Variants in HPGD observed in about 807,000 individuals in gnomAD.
HPGD encodes 15-hydroxyprostaglandin dehydrogenase, also known as 15-hydroxyprostaglandin dehydrogenase [NAD(+)].
Under a neutral mutation model 30.0 loss-of-function variants are expected in HPGD, and 29 were observed. That is an observed-to-expected ratio of 0.97 (90% confidence interval 0.72 to 1.32). The LOEUF (loss-of-function observed/expected upper bound fraction) is 1.32. Among genes scored for constraint, HPGD ranks in the 40% most tolerant of loss-of-function variants. The pLI, the probability that HPGD is intolerant of heterozygous loss-of-function variation, is 0.00. For missense variants in HPGD, 340 were observed against 322.1 expected (o/e 1.06, Z -0.43); for synonymous variants, 99 against 112.4 (o/e 0.88, Z 0.75).
intron 3 of HPGD, among the ~76,000 whole-genome samples, chr4:174,515,401 G>A (rs112387003): frequency 0.015 from 2,235 of 152,168 alleles, 27 homozygotes; most frequent in Middle Eastern, 0.034. Flanking sequence ...TGACAAAAAC[G>A]AGCATGGGGA....
At chr4:174,520,250 G>C (rs1044598722) in intron 2 of HPGD, among the ~76,000 whole-genome samples, 6 of 152,032 alleles carry the variant, frequency 3.9e-5, no homozygotes, top group African/African-American at 1.2e-4. Flanking sequence ...TGAATTCCAG[G>C]CTCAAGCAAC....
chr4:174,521,910 G>C lies in HPGD; in HGVS notation c.217+34C>G, dbSNP rs202188474. 11 of 1,613,406 alleles carry C rather than the reference G, an allele frequency of 6.8e-6. No homozygotes were observed. The African/African-American group carries it at 1.2e-4, about 18-fold the overall frequency. ...TCAGGTTGTTGCTTGTTGAGAGCAC[G>C]TTCCCAGTTGACAGATTGATTCCCC... On this transcript the variant is annotated intron_variant, in intron 2 of 6. Transcript: ENST00000296522.
chr4:174,491,489 G>C lies in HPGD; in HGVS notation c.*467C>G, dbSNP rs1262478663. The stretch of plus-strand genomic sequence containing the variant: ...AACTGAAATGTTCAGTTGAAAGATG[G>C]TATATAAGTAAAAATTATTATTGTG... On this transcript the variant is annotated 3_prime_UTR_variant, in exon 7 of 7. Transcript: ENST00000296522. 5.8e-6 allele frequency: 1 copy of C among 171,208 alleles called. No individual in the cohort carries two copies. Among genetic ancestry groups the C allele is most frequent in the Non-Finnish European group, 1.3e-5 (1 of 79,420 alleles). The allele number at this position is 171,208 out of a possible 1,614,324, so 10.6% of individuals were successfully genotyped here. A position where few individuals can be genotyped will look rare whatever the true frequency, so the allele number is the denominator to read the frequency against.
chr4:174,499,789 A>G (rs1417901047), intron 4 of HPGD, among the ~76,000 whole-genome samples: 2 of 152,054 alleles, frequency 1.3e-5, no homozygotes, highest in African/African-American at 2.4e-5. Context: ...CTTCTTCTTC[A>G]TGTCTTTGGC....
intron 3 of HPGD, among the ~76,000 whole-genome samples, chr4:174,513,080 G>A (rs899958053): frequency 6.6e-6 from 1 of 152,146 alleles, no homozygotes; most frequent in African/African-American, 2.4e-5. Context: ...GTTTCTGACA[G>A]CTGATTTTTC....
rs569068425 is a variant in HPGD at position 174,511,647 on chromosome 4, T to A, written c.325-2855A>T. On this transcript the variant is annotated intron_variant, in intron 3 of 6. Coordinates refer to ENST00000296522, the MANE Select transcript of HPGD (RefSeq NM_000860.6). ...TTCTTTCCTGAACATTTCTTTTTTTTAATTTTATTTTGTTTTTGAGACAGA... is the reference window on the plus strand; with the variant it reads ...TTCTTTCCTGAACATTTCTTTTTTTAAATTTTATTTTGTTTTTGAGACAGA... 2.5e-4 allele frequency among the ~76,000 whole-genome samples: 38 copies of A among 152,326 alleles called. No homozygotes were observed. The East Asian group carries it at 4.1e-3, about 16-fold the overall frequency.
chr4:174,497,189 CT>C (rs1323887575), intron 4 of HPGD, among the ~76,000 whole-genome samples: 2 of 152,126 alleles, frequency 1.3e-5, no homozygotes, highest in Admixed American at 1.3e-4. Flanking sequence ...CAGCATGAAC[CT>C]TAATCAGAGA....
At chr4:174,517,527 A>G (rs1046598414) in intron 3 of HPGD, among the ~76,000 whole-genome samples, 4 of 152,242 alleles carry the variant, frequency 2.6e-5, no homozygotes, top group Non-Finnish European at 5.9e-5. Flanking sequence ...AAAATAGCCA[A>G]TGACAATTCT....
rs779154279 is a variant in HPGD at position 174,492,105 on chromosome 4, A to G, written c.663-11T>C. 1.6e-5 allele frequency: 26 copies of G among 1,608,604 alleles called. No individual in the cohort carries two copies. Among genetic ancestry groups the G allele is most frequent in the Non-Finnish European group, 2.2e-5 (26 of 1,176,196 alleles). ...GCAATCAATGGTGGGCTAAAAATAAAGAAAACAGTATTTTGAAACGAAAGA... is the reference window on the plus strand; with the variant it reads ...GCAATCAATGGTGGGCTAAAAATAAGGAAAACAGTATTTTGAAACGAAAGA... On this transcript the variant is annotated splice_polypyrimidine_tract_variant and intron_variant, in intron 6 of 6. Coordinates refer to ENST00000296522, the MANE Select transcript of HPGD (RefSeq NM_000860.6). The surrounding 1 kb of genome is among the most constrained non-coding windows in gnomAD (Gnocchi z 4.9).
intron 3 of HPGD, among the ~76,000 whole-genome samples, chr4:174,511,793 T>C (rs949494069): frequency 1.2e-4 from 19 of 152,124 alleles, no homozygotes; most frequent in Admixed American, 7.9e-4. Context: ...ACTACAGGCG[T>C]CCGCCACCAC....
chr4:174,502,219 A>G (rs886336094), intron 4 of HPGD, among the ~76,000 whole-genome samples: 1 of 152,206 alleles, frequency 6.6e-6, no homozygotes, highest in African/African-American at 2.4e-5. Flanking sequence ...GAGAACTAGC[A>G]AGAAATATTT....
At chr4:174,493,091 G>C (rs1050389667) in intron 6 of HPGD, 60 bp downstream of exon 6, 2 of 1,405,392 alleles carry the variant, frequency 1.4e-6, no homozygotes, top group African/African-American at 2.9e-5. Flanking sequence ...CCTTTTTATA[G>C]CTTATCTAAA....
chr4:174,502,696 A>AAAAAAG (rs1734979454), intron 4 of HPGD, among the ~76,000 whole-genome samples: 1 of 150,968 alleles, frequency 6.6e-6, no homozygotes, highest in Non-Finnish European at 1.5e-5. Context: ...AAAAAAAAAA[A>AAAAAAG]GTGACACATG....
intron 4 of HPGD, 140 bp downstream of exon 4, chr4:174,508,556 A>G (rs996715096): frequency 2.4e-5 from 16 of 655,700 alleles, no homozygotes; most frequent in Non-Finnish European, 4.1e-5. Flanking sequence ...ATTTTGCAAT[A>G]GAAAATTCCA....
chr4:174,502,628 A>G (rs1734972404), intron 4 of HPGD, among the ~76,000 whole-genome samples: 1 of 133,856 alleles, frequency 7.5e-6, no homozygotes, highest in South Asian at 2.5e-4. Context: ...CAGTGAGCCG[A>G]GATTGCGCCA....
intron 3 of HPGD, among the ~76,000 whole-genome samples, chr4:174,509,330 A>C (rs1416474140): frequency 6.6e-6 from 1 of 152,062 alleles, no homozygotes; most frequent in Non-Finnish European, 1.5e-5. Flanking sequence ...CCTCCTCTCC[A>C]TATAATACGA....
At chr4:174,505,176 G>A (rs553938681) in intron 4 of HPGD, among the ~76,000 whole-genome samples, 25 of 152,222 alleles carry the variant, frequency 1.6e-4, no homozygotes, top group African/African-American at 3.4e-4. Flanking sequence ...CTCTGTCTGC[G>A]TCAGTGGTCA....
chr4:174,491,889 A>G lies in HPGD; in HGVS notation c.*67T>C, dbSNP rs544989121. 8 of 1,340,400 alleles carry G rather than the reference A, an allele frequency of 6.0e-6. No homozygotes were observed. Among genetic ancestry groups the G allele is most frequent in the Admixed American group, 1.7e-5 (1 of 59,492 alleles). The allele number at this position is 1,340,400 out of a possible 1,614,324, so 83.0% of individuals were successfully genotyped here. On this transcript the variant is annotated 3_prime_UTR_variant, in exon 7 of 7. Coordinates refer to ENST00000296522, the MANE Select transcript of HPGD (RefSeq NM_000860.6). ...ACATTTCATTTAAAAGCTATATTCA[A>G]ATGAAGATAGGATCTGAATATAAGC...
intron 1 of HPGD, 137 bp from the exon 2 acceptor site, chr4:174,522,204 G>A: frequency 6.9e-7 from 1 of 1,450,868 alleles, no homozygotes; most frequent in African/African-American, 1.4e-5. Context: ...CCACTTCTGA[G>A]GTGTGCTCAC....
Sources: gnomAD v4.1 joint callset for allele counts (sites outside exome capture counted in the v4.1 genomes callset) on GRCh38, gnomAD v4.1.1 for gene constraint, Gnocchi (gnomAD v3.1) non-coding constraint, MANE v1.5 for transcripts, NCBI Gene and HGNC (gene_info 2026-07-23, HGNC 2026-07-21) for gene names.